Variants in PDXDC1 observed in about 807,000 individuals in gnomAD.
PDXDC1 encodes the protein pyridoxal dependent decarboxylase domain containing 1.
Under a neutral mutation model 100.1 loss-of-function variants are expected in PDXDC1, and 42 were observed. The ratio of observed to expected loss-of-function variants is 0.42; its 90% CI spans 0.33 to 0.54. The LOEUF is 0.54. Ranked by LOEUF, PDXDC1 falls within the 20% of genes least tolerant of loss-of-function variation. The pLI, the probability that PDXDC1 is intolerant of heterozygous loss-of-function variation, is 0.10. For synonymous variants in PDXDC1, 260 were observed against 371.7 expected, an observed-to-expected ratio of 0.70 and a Z score of 3.46; for missense variants, 636 against 979.2, an observed-to-expected ratio of 0.65 and a Z score of 4.68.
chr16:15,080,923 GTC>G (rs2045673552), intron 16 of PDXDC1, among the ~76,000 whole-genome samples: 1 of 151,762 alleles, frequency 6.6e-6, no homozygotes. Flanking sequence ...TATCAATGGA[GTC>G]ATACACAGTT....
intron 16 of PDXDC1, chr16:15,044,291 AT>A: frequency 7.2e-7 from 1 of 1,384,472 alleles, no homozygotes; most frequent in Non-Finnish European, 1.0e-6. Flanking sequence ...ATGGGTACAT[AT>A]TTATGTCCAA....
At chr16:15,035,612 GC>G in intron 22 of PDXDC1, 59 bp downstream of exon 22, 1 of 992,758 alleles carries the variant, frequency 1.0e-6, no homozygotes, top group Non-Finnish European at 1.5e-6. Context: ...ACTGTTACTT[GC>G]GTTTGTTTTC....
intron 16 of PDXDC1, among the ~76,000 whole-genome samples, chr16:15,132,516 T>C (rs1385474578): frequency 1.3e-5 from 2 of 149,202 alleles, no homozygotes; most frequent in African/African-American, 5.0e-5. Flanking sequence ...ACACCCTGGG[T>C]CCCCCGAGAG....
chr16:15,065,520 G>C (rs550590046), intron 16 of PDXDC1: 1 of 626,238 alleles, frequency 1.6e-6, no homozygotes, highest in Non-Finnish European at 2.7e-6. Context: ...AAAGCAGAAA[G>C]TAACACTTTT....
intron 16 of PDXDC1, among the ~76,000 whole-genome samples, chr16:15,075,820 G>C (rs1004485483): frequency 6.6e-6 from 1 of 152,070 alleles, no homozygotes; most frequent in Non-Finnish European, 1.5e-5. Flanking sequence ...CCTTTTGCAG[G>C]TCGGGATATC....
At chr16:15,043,972 T>A (rs2043940903) in intron 16 of PDXDC1, among the ~76,000 whole-genome samples, 1 of 151,648 alleles carries the variant, frequency 6.6e-6, no homozygotes, top group Admixed American at 6.6e-5. Context: ...AAAGAAAAAA[T>A]TTGCTAATAG....
chr16:15,109,723 A>C (rs1011297731), intron 16 of PDXDC1, among the ~76,000 whole-genome samples: 1 of 137,968 alleles, frequency 7.2e-6, no homozygotes, highest in Admixed American at 7.7e-5. Context: ...GTGGCGGCAC[A>C]CACCTGTAAT....
chr16:14,990,707 T>G (rs1197613844), intron 1 of PDXDC1, among the ~76,000 whole-genome samples: 1 of 152,268 alleles, frequency 6.6e-6, no homozygotes, highest in Non-Finnish European at 1.5e-5. Flanking sequence ...CACTCCCCCC[T>G]GGGCTTACTC....
chr16:15,018,113 G>A (rs2041931025), intron 11 of PDXDC1, among the ~76,000 whole-genome samples: 1 of 148,910 alleles, frequency 6.7e-6, no homozygotes, highest in East Asian at 2.1e-4. Flanking sequence ...TTTAATCGTA[G>A]TTGTGGGCCA....
chr16:15,045,281 G>C (rs1294199586), intron 16 of PDXDC1: 2 of 151,868 alleles, frequency 1.3e-5, no homozygotes, highest in African/African-American at 4.8e-5. Flanking sequence ...CTGGGCAATC[G>C]AGCAAGACTC....
chr16:15,035,297 G>A, intron 21 of PDXDC1, 152 bp from the exon 22 acceptor site: 2 of 503,854 alleles, frequency 4.0e-6, no homozygotes, highest in Non-Finnish European at 3.6e-6. Context: ...CTAGCTCACG[G>A]CACATTCATA....
At chr16:15,131,010 A>G (rs2048025364) in intron 16 of PDXDC1, 3 of 1,000,076 alleles carry the variant, frequency 3.0e-6, no homozygotes, top group Admixed American at 2.0e-5. Context: ...AGAGACACCC[A>G]TGGAAGCCCT....
chr16:15,072,959 A>G, intron 16 of PDXDC1: 1 of 1,613,398 alleles, frequency 6.2e-7, no homozygotes, highest in Non-Finnish European at 8.5e-7. Context: ...CCAATTTGAA[A>G]CTACAGAGGT....
At chr16:15,112,029 C>G (rs2047088148) in intron 16 of PDXDC1, among the ~76,000 whole-genome samples, 1 of 147,302 alleles carries the variant, frequency 6.8e-6, no homozygotes, top group Non-Finnish European at 1.5e-5. Flanking sequence ...CTCACATCAG[C>G]TTCGTTGAGG....
chr16:14,980,312 T>C (rs562049247), intron 1 of PDXDC1, among the ~76,000 whole-genome samples: 109 of 152,374 alleles, frequency 7.2e-4, no homozygotes, highest in African/African-American at 2.6e-3. Flanking sequence ...TTTTTTTTTT[T>C]TGAGACGGAA....
At chr16:15,081,758 C>A (rs1056109721) in intron 16 of PDXDC1, among the ~76,000 whole-genome samples, 11 of 152,190 alleles carry the variant, frequency 7.2e-5, no homozygotes, top group Non-Finnish European at 1.2e-4. Flanking sequence ...AAACCAACAT[C>A]ATGAAAATGT....
At chr16:15,117,702 A>G (rs2047287471) in intron 16 of PDXDC1, among the ~76,000 whole-genome samples, 1 of 121,798 alleles carries the variant, frequency 8.2e-6, no homozygotes, top group Non-Finnish European at 1.7e-5. Context: ...GGGGGTGAGA[A>G]AAGAAAAAAA....
chr16:15,061,523 T>C (rs1002785711), intron 16 of PDXDC1: 19 of 421,472 alleles, frequency 4.5e-5, no homozygotes, highest in Middle Eastern at 5.9e-4. Context: ...CTGTAAAAGA[T>C]TGCACATGAT....
chr16:15,028,481 T>G (rs1316285740), intron 14 of PDXDC1, among the ~76,000 whole-genome samples: 2 of 152,302 alleles, frequency 1.3e-5, no homozygotes, highest in African/African-American at 2.4e-5. Flanking sequence ...AAACCTTACC[T>G]GCCTTCTGTC....
Sources: allele counts gnomAD v4.1 joint callset (sites outside exome capture counted in the v4.1 genomes callset), GRCh38; gene constraint gnomAD v4.1.1; transcripts MANE v1.5; gene names NCBI Gene and HGNC (gene_info 2026-07-23, HGNC 2026-07-21).